The following TRHDE variants were observed in gnomAD, a reference collection of about 807,000 sequenced individuals.
The protein encoded by TRHDE is thyrotropin-releasing hormone-degrading ectoenzyme.
In TRHDE, 72 loss-of-function variants were observed where a neutral mutation model predicts 125.7. That is an observed-to-expected ratio of 0.57 (90% CI 0.47 to 0.70). TRHDE has a LOEUF of 0.70. TRHDE is among the 30% of genes least tolerant of loss of function. The pLI is 0.00. For missense variants in TRHDE, 1,110 were observed against 1,327.1 expected (o/e 0.84, Z 2.54); for synonymous variants, 509 against 509.1 (o/e 1.00, Z 0.00).
chr12:72,236,492 A>ATATATTATT lies in TRHDE; in HGVS notation n.279+130740_279+130741insTATATTATT, dbSNP rs879559175. On this transcript the variant is annotated intron_variant and non_coding_transcript_variant, in intron 2 of 4. Transcript: ENST00000548156. ...GTCAAATATATTATTGACTGATGAA[A>ATATATTATT]GCCAGATAGTCCTTTCTCCTCTTAA... Among the ~76,000 whole-genome samples the ATATATTATT allele has an allele frequency of 7.4e-3, 1,132 of 152,190 alleles. 8 individuals are homozygous for ATATATTATT. The highest frequency in any genetic ancestry group is 0.013 in the Non-Finnish European group (853 of 67,942).
chr12:72,093,840 T>A (rs1414489487), intron 1 of TRHDE, among the ~76,000 whole-genome samples: 1 of 152,078 alleles, frequency 6.6e-6, no homozygotes, highest in Non-Finnish European at 1.5e-5. Context: ...TTCTTTGGGG[T>A]CAGTTACTAA....
At chr12:72,093,303 T>G (rs1874834990) in intron 1 of TRHDE, among the ~76,000 whole-genome samples, 1 of 152,224 alleles carries the variant, frequency 6.6e-6, no homozygotes. Flanking sequence ...CTTGCAGTGT[T>G]CTTCTTTGCA....
intron 3 of TRHDE, among the ~76,000 whole-genome samples, chr12:72,409,849 A>C (rs1057282057): frequency 6.6e-6 from 1 of 152,210 alleles, no homozygotes; most frequent in African/African-American, 2.4e-5. Context: ...GAACCATAGT[A>C]ACTGGTAATG....
rs941692586 is a variant in TRHDE, at chr12:72,669,595, T to A, written c.*6400T>A. ...CCTCTACTATGTTCACAGTATTGCA[T>A]TTGCTCTTGTAAACAATTTTGTTCC... On this transcript the variant is annotated 3_prime_UTR_variant, in exon 19 of 19. Coordinates refer to ENST00000261180, the MANE Select transcript of TRHDE (RefSeq NM_013381.3). The A allele has an allele frequency of 4.0e-5, 6 of 151,860 alleles. No homozygotes were observed. The highest frequency in any genetic ancestry group is 1.4e-4 in the African/African-American group (6 of 41,432). 9.4% of individuals were successfully genotyped at this position (151,860 alleles called of 1,614,324 possible). A position where few individuals can be genotyped will look rare whatever the true frequency, so the allele number is the denominator to read the frequency against.
chr12:72,116,454 T>G (rs906671761), intron 2 of TRHDE, among the ~76,000 whole-genome samples: 2 of 152,198 alleles, frequency 1.3e-5, no homozygotes, highest in Non-Finnish European at 2.9e-5. Flanking sequence ...TCACAATGGT[T>G]GAACTAATTT....
intron 12 of TRHDE, among the ~76,000 whole-genome samples, chr12:72,599,947 T>G (rs1322386507): frequency 6.6e-6 from 1 of 152,074 alleles, no homozygotes; most frequent in Non-Finnish European, 1.5e-5. Context: ...TTTAGTTTCA[T>G]TCTTCTAGCA....
chr12:72,126,623 A>C (rs1875719698), intron 2 of TRHDE, among the ~76,000 whole-genome samples: 3 of 152,206 alleles, frequency 2.0e-5, no homozygotes, highest in Non-Finnish European at 4.4e-5. Flanking sequence ...CTATTTAATA[A>C]ATGGTGCTGG....
intron 3 of TRHDE, among the ~76,000 whole-genome samples, chr12:72,429,105 A>C (rs1425262185): frequency 6.6e-6 from 1 of 152,052 alleles, no homozygotes; most frequent in Admixed American, 6.6e-5. Flanking sequence ...CAGAAAACCA[A>C]ACACTGCATG....
intron 3 of TRHDE, among the ~76,000 whole-genome samples, chr12:72,460,953 G>T (rs1876100954): frequency 6.6e-6 from 1 of 152,104 alleles, no homozygotes; most frequent in Non-Finnish European, 1.5e-5. Flanking sequence ...CACATGTAAA[G>T]TGTTCTTCCA....
chr12:72,306,200 C>T (rs531071286), intron 2 of TRHDE, among the ~76,000 whole-genome samples: 2 of 152,266 alleles, frequency 1.3e-5, no homozygotes, highest in South Asian at 4.1e-4. Flanking sequence ...ATAAATAGGA[C>T]TTAGATAATC....
intron 2 of TRHDE, among the ~76,000 whole-genome samples, chr12:72,266,009 T>C (rs1273156349): frequency 6.6e-6 from 1 of 152,034 alleles, no homozygotes; most frequent in Non-Finnish European, 1.5e-5. Context: ...GTTATTCAGA[T>C]TCAAGAAAAT....
At chr12:72,120,660 C>T (rs1875556474) in intron 2 of TRHDE, among the ~76,000 whole-genome samples, 1 of 151,234 alleles carries the variant, frequency 6.6e-6, no homozygotes, top group Non-Finnish European at 1.5e-5. Context: ...TAACTTCATC[C>T]TCCTACTCTT....
At chr12:72,110,544 T>C (rs1420956350) in intron 2 of TRHDE, among the ~76,000 whole-genome samples, 1 of 152,156 alleles carries the variant, frequency 6.6e-6, no homozygotes, top group African/African-American at 2.4e-5. Context: ...TATTCAACGC[T>C]AATTTCTACA....
chr12:72,234,851 A>G (rs999872497), intron 2 of TRHDE, among the ~76,000 whole-genome samples: 2 of 152,186 alleles, frequency 1.3e-5, no homozygotes, highest in African/African-American at 2.4e-5. Context: ...AGTTCCTAAA[A>G]TTTTTTGAGC....
At chr12:72,302,936 G>C (rs1212095666) in intron 2 of TRHDE, among the ~76,000 whole-genome samples, 1 of 152,184 alleles carries the variant, frequency 6.6e-6, no homozygotes, top group Middle Eastern at 3.2e-3. Flanking sequence ...CTAGGTGCCA[G>C]TAGCACATCC....
At chr12:72,328,171 G>A (rs949833798) in intron 2 of TRHDE, among the ~76,000 whole-genome samples, 2 of 152,154 alleles carry the variant, frequency 1.3e-5, no homozygotes, top group Non-Finnish European at 2.9e-5. Flanking sequence ...ATTGATGCTA[G>A]TTTGGTGTAC....
chr12:72,452,803 C>G (rs920263990), intron 3 of TRHDE, among the ~76,000 whole-genome samples: 1 of 151,990 alleles, frequency 6.6e-6, no homozygotes, highest in Admixed American at 6.6e-5. Flanking sequence ...CACTCTCTTG[C>G]TCCTGCTCTG....
intron 2 of TRHDE, among the ~76,000 whole-genome samples, chr12:72,214,985 G>A (rs987638891): frequency 3.9e-5 from 6 of 152,130 alleles, no homozygotes; most frequent in African/African-American, 1.4e-4. Context: ...TTTATTGAGT[G>A]CCTTCTTTGT....
intron 2 of TRHDE, among the ~76,000 whole-genome samples, chr12:72,118,756 T>A (rs989371883): frequency 4.6e-5 from 7 of 152,144 alleles, no homozygotes; most frequent in African/African-American, 1.7e-4. Flanking sequence ...AGGTTTTGGA[T>A]TTTTTCATGG....
Sources: gnomAD v4.1 joint callset for allele counts (sites outside exome capture counted in the v4.1 genomes callset) on GRCh38, gnomAD v4.1.1 for gene constraint, MANE v1.5 for transcripts, NCBI Gene and HGNC (gene_info 2026-07-23, HGNC 2026-07-21) for gene names.